Variants in GPC6 observed in about 807,000 individuals in gnomAD.
GPC6 encodes the protein glypican 6.
Under a neutral mutation model 55.2 loss-of-function variants are expected in GPC6, and 14 were observed. The observed-to-expected ratio is 0.25, with a 90% CI of 0.17 to 0.40. The LOEUF (loss-of-function observed/expected upper bound fraction) is 0.40, where lower values mean the gene tolerates loss of function less well. Among genes scored for constraint, GPC6 ranks in the 10% least tolerant of loss-of-function variants. The probability of loss-of-function intolerance (pLI) is 1.00; values close to 1 mark genes in which losing one functional copy is unlikely to be tolerated. For missense variants in GPC6, 641 were observed against 708.5 expected, an observed-to-expected ratio of 0.90 and a Z score of 1.08; for synonymous variants, 278 against 259.6, an observed-to-expected ratio of 1.07 and a Z score of -0.68.
At position 93,446,345 on chromosome 13, in the gene GPC6, G is replaced by A. The variant is rs7328425; in HGVS notation, c.161-98918G>A. On this transcript the variant is annotated intron_variant, in intron 1 of 8. Transcript: ENST00000377047. ...TTGGCCTGAAAATTCAGCATCCCAC[G>A]TGTCTTGCTGCACCACTGAGATCAT... 3.8e-3 allele frequency among the ~76,000 whole-genome samples: 572 copies of A among 152,108 alleles called. 7 individuals carry two copies. Among genetic ancestry groups the A allele is most frequent in the African/African-American group, 0.013 (549 of 41,484 alleles).
intron 1 of GPC6, among the ~76,000 whole-genome samples, chr13:93,280,961 C>T (rs1388173021): frequency 3.3e-5 from 5 of 152,188 alleles, no homozygotes; most frequent in South Asian, 2.1e-4. Context: ...TGCTCACCTC[C>T]GGCTGTGTGG....
At chr13:93,768,575 T>C (rs1324067077) in intron 2 of GPC6, among the ~76,000 whole-genome samples, 1 of 152,184 alleles carries the variant, frequency 6.6e-6, no homozygotes, top group Non-Finnish European at 1.5e-5. Context: ...ACACCTTCTC[T>C]GTCCTCATTT....
At chr13:94,271,891 T>C (rs1594118163) in intron 4 of GPC6, among the ~76,000 whole-genome samples, 1 of 152,186 alleles carries the variant, frequency 6.6e-6, no homozygotes, top group African/African-American at 2.4e-5. Flanking sequence ...CATCTTGCCA[T>C]TTCATGGGGT....
At chr13:93,912,621 T>C (rs1045636830) in intron 3 of GPC6, among the ~76,000 whole-genome samples, 6 of 152,212 alleles carry the variant, frequency 3.9e-5, no homozygotes, top group South Asian at 2.1e-4. Context: ...CGGGCGCCTG[T>C]AGTCCCAGCT....
chr13:94,223,188 T>G (rs1890440340), intron 4 of GPC6, among the ~76,000 whole-genome samples: 1 of 152,154 alleles, frequency 6.6e-6, no homozygotes, highest in South Asian at 2.1e-4. Flanking sequence ...GAATACCTAA[T>G]TGCCTTTGAT....
intron 2 of GPC6, among the ~76,000 whole-genome samples, chr13:93,573,710 G>A (rs1876522938): frequency 6.6e-6 from 1 of 152,076 alleles, no homozygotes; most frequent in African/African-American, 2.4e-5. Context: ...TGTAGCTTCT[G>A]GATCCTGCTG....
chr13:94,312,578 T>G (rs992428154), intron 6 of GPC6, among the ~76,000 whole-genome samples: 2 of 152,228 alleles, frequency 1.3e-5, no homozygotes, highest in African/African-American at 4.8e-5. Flanking sequence ...TCCACTAGTT[T>G]GCATTTCAAA....
At chr13:93,474,455 T>C (rs529449327) in intron 1 of GPC6, among the ~76,000 whole-genome samples, 2 of 152,256 alleles carry the variant, frequency 1.3e-5, no homozygotes, top group South Asian at 2.1e-4. Context: ...AGCCTTCTTT[T>C]TCCCCCAAGC....
chr13:93,720,806 C>G (rs961633807), intron 2 of GPC6, among the ~76,000 whole-genome samples: 2 of 151,942 alleles, frequency 1.3e-5, no homozygotes, highest in African/African-American at 4.8e-5. Context: ...TTTATTTCGG[C>G]CTTAATTTCA....
intron 1 of GPC6, among the ~76,000 whole-genome samples, chr13:93,243,322 A>G (rs1042211145): frequency 6.6e-6 from 1 of 152,120 alleles, no homozygotes; most frequent in South Asian, 2.1e-4. Context: ...TTAACATTCC[A>G]TTTAGGCTAT....
At chr13:94,220,934 T>A (rs905600716) in intron 4 of GPC6, among the ~76,000 whole-genome samples, 1 of 152,052 alleles carries the variant, frequency 6.6e-6, no homozygotes. Flanking sequence ...AGCATATGAA[T>A]TGGGGCAGGG....
At chr13:93,895,598 A>G (rs1408198605) in intron 3 of GPC6, among the ~76,000 whole-genome samples, 4 of 151,988 alleles carry the variant, frequency 2.6e-5, no homozygotes, top group Non-Finnish European at 4.4e-5. Context: ...AAGTGCATTT[A>G]TGTAAACCTC....
chr13:93,487,453 A>T (rs538281352), intron 1 of GPC6, among the ~76,000 whole-genome samples: 19 of 152,186 alleles, frequency 1.2e-4, no homozygotes, highest in Non-Finnish European at 2.8e-4. Flanking sequence ...AACGTGTGTT[A>T]TTAATAATTT....
chr13:93,569,920 T>C (rs575136492), intron 2 of GPC6, among the ~76,000 whole-genome samples: 2 of 152,276 alleles, frequency 1.3e-5, no homozygotes, highest in Middle Eastern at 3.4e-3. Flanking sequence ...AGTATCTTTA[T>C]ACCTGTTGGA....
At position 93,935,150 on chromosome 13, in the gene GPC6, A is replaced by G. The variant is rs187514567; in HGVS notation, c.712-92579A>G. On this transcript the variant is annotated intron_variant, in intron 3 of 8. Transcript: ENST00000377047. The stretch of plus-strand genomic sequence containing the variant: ...TTTTAGGTTTGGGTGGTACATTTGC[A>G]TGTTTGTTACATGGGTATATTACGT... Among the ~76,000 whole-genome samples the G allele has an allele frequency of 3.2e-3, 482 of 152,222 alleles. 1 individual carries two copies. Among genetic ancestry groups the G allele is most frequent in the South Asian group, 9.1e-3 (44 of 4,826 alleles).
rs747312948 is a variant in GPC6, at chr13:93,988,927, A to G, written c.712-38802A>G. On this transcript the variant is annotated intron_variant, in intron 3 of 8. Coordinates refer to ENST00000377047, the MANE Select transcript of GPC6 (RefSeq NM_005708.5). ...GATGGACAGAAAGATAGATAGATACATAGATACACAGATACAAAGATAGAT... is the reference window on the plus strand; with the variant it reads ...GATGGACAGAAAGATAGATAGATACGTAGATACACAGATACAAAGATAGAT... Among the ~76,000 whole-genome samples the G allele has an allele frequency of 2.8e-4, 43 of 152,314 alleles. 2 individuals carry two copies. The Middle Eastern group carries it at 0.02, about 72-fold the overall frequency.
intron 6 of GPC6, among the ~76,000 whole-genome samples, chr13:94,331,318 A>G (rs1028203839): frequency 2.0e-5 from 3 of 152,154 alleles, no homozygotes; most frequent in Non-Finnish European, 4.4e-5. Context: ...TAGAGACCCT[A>G]TGGTCTGCAA....
At chr13:93,967,909 C>A (rs1274647585) in intron 3 of GPC6, among the ~76,000 whole-genome samples, 3 of 152,102 alleles carry the variant, frequency 2.0e-5, no homozygotes, top group Non-Finnish European at 2.9e-5. Flanking sequence ...GCAAATTGGA[C>A]TGAATAGATC....
chr13:94,215,148 C>A (rs1479978952), intron 4 of GPC6, among the ~76,000 whole-genome samples: 2 of 152,182 alleles, frequency 1.3e-5, no homozygotes, highest in African/African-American at 4.8e-5. Context: ...AAAGTTTTCA[C>A]AGTATGAACT....
Sources: allele counts gnomAD v4.1 joint callset (sites outside exome capture counted in the v4.1 genomes callset), GRCh38; gene constraint gnomAD v4.1.1; transcripts MANE v1.5; gene names NCBI Gene and HGNC (gene_info 2026-07-23, HGNC 2026-07-21).